RANBP17: variants seen among roughly 807,000 people sequenced by gnomAD.
RANBP17 encodes the protein ran-binding protein 17.
In RANBP17, 158 loss-of-function variants were observed where a neutral mutation model predicts 141.2. The observed-to-expected ratio is 1.12, with a 90% CI of 0.98 to 1.28. The LOEUF is 1.28. Ranked by LOEUF, RANBP17 falls within the 50% of genes most tolerant of loss-of-function variation. The pLI is 0.00. For missense variants in RANBP17, 1,438 were observed against 1,290.7 expected (o/e 1.11, Z -1.75); for synonymous variants, 430 against 450.0 (o/e 0.96, Z 0.56).
chr5:171,125,923 G>A (rs1756425742), intron 14 of RANBP17, among the ~76,000 whole-genome samples: 3 of 151,866 alleles, frequency 2.0e-5, no homozygotes, highest in African/African-American at 4.8e-5. Context: ...GAGTAGCTAG[G>A]GTTACAGGCG....
chr5:170,932,540 G>A (rs1055704239), intron 12 of RANBP17, among the ~76,000 whole-genome samples: 1 of 139,676 alleles, frequency 7.2e-6, no homozygotes, highest in Non-Finnish European at 1.6e-5. Context: ...TACTGGCTGT[G>A]GGTTTGTCAT....
At chr5:170,896,027 A>C in intron 4 of RANBP17, 23 bp from the exon 5 acceptor site, 2 of 1,531,138 alleles carry the variant, frequency 1.3e-6, no homozygotes, top group Non-Finnish European at 1.8e-6. Flanking sequence ...CACTTAGGCT[A>C]AACTTTGTTA....
chr5:171,059,460 G>T (rs1561604019), intron 14 of RANBP17, among the ~76,000 whole-genome samples: 1 of 151,962 alleles, frequency 6.6e-6, no homozygotes, highest in Non-Finnish European at 1.5e-5. Context: ...GTTTGTCAAA[G>T]ATCAGATAGT....
chr5:170,993,203 A>G (rs1258213262), intron 14 of RANBP17, among the ~76,000 whole-genome samples: 1 of 152,052 alleles, frequency 6.6e-6, no homozygotes, highest in Non-Finnish European at 1.5e-5. Flanking sequence ...TTATAAGTCA[A>G]TAGGATCTGT....
intron 12 of RANBP17, among the ~76,000 whole-genome samples, chr5:170,950,956 T>G (rs896085090): frequency 6.6e-6 from 1 of 152,038 alleles, no homozygotes; most frequent in African/African-American, 2.4e-5. Flanking sequence ...TTAAGTGAAA[T>G]AAGCCTGGCA....
intron 14 of RANBP17, among the ~76,000 whole-genome samples, chr5:171,145,416 C>T (rs1226408504): frequency 1.3e-5 from 2 of 152,128 alleles, no homozygotes; most frequent in East Asian, 1.9e-4. Context: ...AAATGAAATA[C>T]AGAAGAGAAG....
intron 14 of RANBP17, among the ~76,000 whole-genome samples, chr5:171,061,882 C>G (rs1208964368): frequency 3.3e-5 from 5 of 152,226 alleles, no homozygotes; most frequent in South Asian, 4.2e-4. Flanking sequence ...GATAGCTCTT[C>G]TTTTTGAATT....
chr5:171,019,088 T>C (rs1320816948), intron 14 of RANBP17, among the ~76,000 whole-genome samples: 2 of 152,324 alleles, frequency 1.3e-5, no homozygotes, highest in South Asian at 2.1e-4. Context: ...GAACCAGCCT[T>C]GTATCCGAGG....
chr5:171,180,297 A>G (rs577027675), intron 16 of RANBP17, among the ~76,000 whole-genome samples: 1 of 152,350 alleles, frequency 6.6e-6, no homozygotes, highest in Admixed American at 6.5e-5. Flanking sequence ...GATATAGCCT[A>G]GTGAAAAGAC....
At chr5:170,997,395 G>GA (rs143422294) in intron 14 of RANBP17, among the ~76,000 whole-genome samples, 3,998 of 152,230 alleles carry the variant, frequency 0.026, 157 homozygotes, top group African/African-American at 0.09. Context: ...TCTGAGGTAG[G>GA]ACCCAGAAAT....
intron 13 of RANBP17, among the ~76,000 whole-genome samples, chr5:170,954,540 A>ACACACACC (rs1775453454): frequency 6.7e-6 from 1 of 149,872 alleles, no homozygotes; most frequent in Non-Finnish European, 1.5e-5. Context: ...ACACACACAC[A>ACACACACC]CACACCCCAA....
intron 14 of RANBP17, among the ~76,000 whole-genome samples, chr5:171,005,323 A>G (rs981778694): frequency 1.3e-5 from 2 of 152,190 alleles, no homozygotes; most frequent in Non-Finnish European, 2.9e-5. Flanking sequence ...TGGAGGCATC[A>G]TGGTACCTGA....
At chr5:171,089,817 T>C (rs1488206141) in intron 14 of RANBP17, among the ~76,000 whole-genome samples, 1 of 152,336 alleles carries the variant, frequency 6.6e-6, no homozygotes, top group African/African-American at 2.4e-5. Context: ...CTGCTTAGGC[T>C]CGCGCACGGT....
intron 6 of RANBP17, chr5:170,910,069 C>A: frequency 5.4e-6 from 1 of 185,476 alleles, no homozygotes; most frequent in Non-Finnish European, 1.1e-5. Context: ...GTTTCTTTAT[C>A]TGCTTGCTTA....
chr5:171,072,391 G>C (rs1209343891), intron 14 of RANBP17, among the ~76,000 whole-genome samples: 1 of 151,574 alleles, frequency 6.6e-6, no homozygotes, highest in African/African-American at 2.4e-5. Flanking sequence ...CACCATATTT[G>C]TGACAATTTG....
intron 14 of RANBP17, among the ~76,000 whole-genome samples, chr5:171,070,624 A>G (rs1161512708): frequency 1.3e-5 from 2 of 152,152 alleles, no homozygotes; most frequent in African/African-American, 2.4e-5. Flanking sequence ...AAGCAGGTCA[A>G]TGTTAGAAGA....
At chr5:171,063,895 G>A (rs1039211821) in intron 14 of RANBP17, among the ~76,000 whole-genome samples, 1 of 152,234 alleles carries the variant, frequency 6.6e-6, no homozygotes, top group African/African-American at 2.4e-5. Flanking sequence ...CCTCGCTGCT[G>A]CCTTGCAGTT....
intron 14 of RANBP17, among the ~76,000 whole-genome samples, chr5:171,102,946 A>T (rs1173193320): frequency 6.6e-6 from 1 of 152,086 alleles, no homozygotes; most frequent in Non-Finnish European, 1.5e-5. Flanking sequence ...AACAGCAAAG[A>T]TTGCTGCCTG....
At position 170,990,405 on chromosome 5, in the gene RANBP17, A is replaced by C. The variant is rs145172665; in HGVS notation, c.1710+22028A>C. 6.0e-3 allele frequency among the ~76,000 whole-genome samples: 908 copies of C among 152,010 alleles called. 9 individuals are homozygous for C. Among genetic ancestry groups the C allele is most frequent in the African/African-American group, 0.021 (865 of 41,524 alleles). On this transcript the variant is annotated intron_variant, in intron 14 of 27. Transcript: ENST00000523189. ...AAACTTTAGTAGTGTGGAATATAAT[A>C]GTTTATTTTTATATTCCATCTGGTA...
Sources: gnomAD v4.1 joint callset for allele counts (sites outside exome capture counted in the v4.1 genomes callset) on GRCh38, gnomAD v4.1.1 for gene constraint, MANE v1.5 for transcripts, NCBI Gene and HGNC (gene_info 2026-07-23, HGNC 2026-07-21) for gene names.